The following DCAF6 variants were observed in gnomAD, a reference collection of about 807,000 sequenced individuals.
The protein encoded by DCAF6 is DDB1 and CUL4 associated factor 6.
In DCAF6, 54 loss-of-function variants were observed where a neutral mutation model predicts 125.1. The ratio of observed to expected loss-of-function variants is 0.43; its 90% CI spans 0.35 to 0.54. The LOEUF is 0.54. DCAF6 is among the 20% of genes least tolerant of loss of function. DCAF6 has a pLI of 0.01. For synonymous variants in DCAF6, 371 were observed against 390.4 expected, an observed-to-expected ratio of 0.95 and a Z score of 0.58; for missense variants, 934 against 1,161.7, an observed-to-expected ratio of 0.80 and a Z score of 2.85.
chr1:167,904,461 C>T, the DCAF6 span: 2 of 209,754 alleles, frequency 9.5e-6, no homozygotes, highest in African/African-American at 4.7e-5. Flanking sequence ...CATGCAGCCT[C>T]CTCTAGCTAT....
intron 13 of DCAF6, among the ~76,000 whole-genome samples, chr1:168,042,567 G>A (rs1227003974): frequency 6.6e-6 from 1 of 151,738 alleles, no homozygotes; most frequent in Non-Finnish European, 1.5e-5. Flanking sequence ...ACAGGGAGCA[G>A]TTCAAAAGAC....
rs950391036 is a variant in DCAF6 at position 167,937,176 on chromosome 1, C to T, written c.97+168C>T. On this transcript the variant is annotated intron_variant, in intron 1 of 21. Coordinates refer to ENST00000367840, the MANE Select transcript of DCAF6 (RefSeq NM_001198956.2). ...CCGAATTCCGTGCCGGTGCCTCCCC[C>T]AGTCAAGCCCCCTGTGCATGCTGCC... is the stretch of plus-strand genomic sequence containing the variant. The T allele has an allele frequency of 7.9e-6, 5 of 629,746 alleles. No individual in the cohort carries two copies. In the South Asian group the frequency reaches 9.6e-5, roughly 12 times the overall value. The allele number at this position is 629,746 out of a possible 1,614,324, so 39.0% of individuals were successfully genotyped here.
the DCAF6 span, among the ~76,000 whole-genome samples, chr1:167,912,729 T>TTAA: frequency 6.6e-6 from 1 of 152,234 alleles, no homozygotes; most frequent in Non-Finnish European, 1.5e-5. Flanking sequence ...ACTCCACATG[T>TTAA]GTCTGTGTCG....
chr1:168,065,794 C>G, intron 19 of DCAF6, 48 bp downstream of exon 19: 13 of 1,489,194 alleles, frequency 8.7e-6, no homozygotes, highest in Non-Finnish European at 1.2e-5. Flanking sequence ...TTGTATGACT[C>G]ATCAGTCATA....
intron 5 of DCAF6, among the ~76,000 whole-genome samples, chr1:167,989,142 G>A (rs185475729): frequency 9.9e-5 from 15 of 152,154 alleles, no homozygotes; most frequent in African/African-American, 2.7e-4. Context: ...TTTTTGTTAC[G>A]TATTTGTATA....
At chr1:168,030,979 G>C (rs1172044300) in intron 12 of DCAF6, among the ~76,000 whole-genome samples, 1 of 152,120 alleles carries the variant, frequency 6.6e-6, no homozygotes, top group Non-Finnish European at 1.5e-5. Flanking sequence ...GACGTGTAGG[G>C]GTAGGTGATC....
chr1:168,064,083 T>A (rs1692005363), intron 18 of DCAF6: 1 of 161,298 alleles, frequency 6.2e-6, no homozygotes, highest in Non-Finnish European at 1.3e-5. Flanking sequence ...TGGTGGATTT[T>A]TTTTTTTTTT....
intron 12 of DCAF6, among the ~76,000 whole-genome samples, chr1:168,031,200 CAG>C (rs141112909): frequency 0.03 from 4,545 of 152,108 alleles, 197 homozygotes; most frequent in African/African-American, 0.099. Context: ...AAGAAGAGGA[CAG>C]AGTAAGAGAG....
Position 167,985,207 on chromosome 1 carries a change from G to A in DCAF6, c.439-2288G>A, listed in dbSNP as rs12405126. ...GTCGTGTGTGTGTGTGTGTGTGTGT[G>A]TGTGGTGTGTGTGTGTGTGGTGTGT... On this transcript the variant is annotated intron_variant, in intron 4 of 21. Coordinates refer to ENST00000367840, the MANE Select transcript of DCAF6 (RefSeq NM_001198956.2). Among the ~76,000 whole-genome samples, 8 of 147,186 alleles carry A rather than the reference G, an allele frequency of 5.4e-5. No individual in the cohort carries two copies. In the Admixed American group the frequency reaches 5.4e-4, roughly 10 times the overall value.
At chr1:168,035,137 T>C (rs1347420331) in intron 12 of DCAF6, among the ~76,000 whole-genome samples, 3 of 152,150 alleles carry the variant, frequency 2.0e-5, no homozygotes, top group African/African-American at 7.2e-5. Context: ...AACCTTGGAA[T>C]ATATACTGTC....
chr1:168,013,641 G>A (rs185084372), intron 10 of DCAF6, among the ~76,000 whole-genome samples: 1 of 151,946 alleles, frequency 6.6e-6, no homozygotes, highest in East Asian at 1.9e-4. Context: ...GTGGTTTTCC[G>A]CTTTTTTTTA....
At chr1:167,879,054 A>G in the DCAF6 span, among the ~76,000 whole-genome samples, 2 of 152,202 alleles carry the variant, frequency 1.3e-5, no homozygotes, top group Non-Finnish European at 2.9e-5. Flanking sequence ...GCTCCTATGA[A>G]TAAACCTTCA....
chr1:167,925,685 T>C, the DCAF6 span, among the ~76,000 whole-genome samples: 1 of 151,498 alleles, frequency 6.6e-6, no homozygotes, highest in African/African-American at 2.4e-5. Flanking sequence ...TAGCTGGGAT[T>C]ACAGGCGCCT....
the DCAF6 span, among the ~76,000 whole-genome samples, chr1:167,902,685 G>A: frequency 2.2e-3 from 341 of 152,312 alleles, 1 homozygote; most frequent in African/African-American, 8.0e-3. Context: ...GTAACATCAA[G>A]ATATTACTAA....
At chr1:168,049,737 G>A (rs1240971436) in intron 16 of DCAF6, among the ~76,000 whole-genome samples, 1 of 131,970 alleles carries the variant, frequency 7.6e-6, no homozygotes, top group African/African-American at 2.9e-5. Flanking sequence ...CTCACTGCAA[G>A]CTCTGCCTCC....
chr1:167,968,501 A>G (rs779375873), intron 3 of DCAF6: 25 of 152,258 alleles, frequency 1.6e-4, no homozygotes, highest in Admixed American at 3.3e-4. Flanking sequence ...GAGCACTGAG[A>G]AATACTTTTT....
rs1473150898 is a variant in DCAF6, at chr1:168,002,581, T to A, written c.997+6T>A. 1 of 1,609,436 alleles carries A rather than the reference T, an allele frequency of 6.2e-7. No homozygotes were observed. Among genetic ancestry groups the A allele is most frequent in the Admixed American group, 1.7e-5 (1 of 59,744 alleles). On this transcript the variant is annotated splice_donor_region_variant and intron_variant, in intron 8 of 21. Transcript: ENST00000367840. ...GAGTGAACGAGAACGAGATGGTAAC[T>A]ATACTTTGGTCAGCTTTTCTTTGTA... is the stretch of plus-strand genomic sequence containing the variant.
chr1:168,043,933 G>A (rs556407211), intron 14 of DCAF6, among the ~76,000 whole-genome samples: 2 of 152,238 alleles, frequency 1.3e-5, no homozygotes, highest in Non-Finnish European at 2.9e-5. Flanking sequence ...TAGAGGGGCA[G>A]AAAAATGCTC....
At chr1:168,039,692 A>AT (rs1484713962) in intron 13 of DCAF6, among the ~76,000 whole-genome samples, 1 of 144,320 alleles carries the variant, frequency 6.9e-6, no homozygotes, top group Non-Finnish European at 1.5e-5. Context: ...TAATATATTA[A>AT]ATATTTAATT....
Sources: allele counts gnomAD v4.1 joint callset (sites outside exome capture counted in the v4.1 genomes callset), GRCh38; gene constraint gnomAD v4.1.1; transcripts MANE v1.5; gene names NCBI Gene and HGNC (gene_info 2026-07-23, HGNC 2026-07-21).